ZMYM6: variants seen among roughly 807,000 people sequenced by gnomAD.
ZMYM6 encodes zinc finger MYM-type containing 6.
A neutral mutation model predicts 134.0 loss-of-function variants in ZMYM6; 90 were observed. The ratio of observed to expected loss-of-function variants is 0.67; its 90% CI spans 0.57 to 0.80. ZMYM6 has a LOEUF of 0.80. Ranked by LOEUF, ZMYM6 falls within the 30% of genes least tolerant of loss-of-function variation. The pLI is 0.00. For synonymous variants in ZMYM6, 481 were observed against 524.1 expected (o/e 0.92, Z 1.12); for missense variants, 1,362 against 1,533.9 (o/e 0.89, Z 1.87).
chr1:35,015,855 C>T (rs72909423), intron 4 of ZMYM6, among the ~76,000 whole-genome samples: 2,750 of 150,742 alleles, frequency 0.018, 82 homozygotes, highest in African/African-American at 0.063. Flanking sequence ...GTCCATCCCA[C>T]AACTCCAGAC....
chr1:34,994,725 GT>G (rs1640744643), intron 14 of ZMYM6, among the ~76,000 whole-genome samples: 1 of 151,850 alleles, frequency 6.6e-6, no homozygotes, highest in African/African-American at 2.4e-5. Context: ...AATAATTGTG[GT>G]TTTTGCAATT....
intron 11 of ZMYM6, 93 bp from the exon 12 acceptor site, chr1:35,007,191 T>C: frequency 7.6e-7 from 1 of 1,308,504 alleles, no homozygotes; most frequent in Admixed American, 2.7e-5. Flanking sequence ...GAAAACAGGA[T>C]ATATGAGTCA....
At chr1:35,005,000 G>A (rs1640941092) in intron 13 of ZMYM6, 132 bp downstream of exon 13, 2 of 1,018,022 alleles carry the variant, frequency 2.0e-6, no homozygotes, top group South Asian at 3.5e-5. Flanking sequence ...GGTGGTTGCA[G>A]TGAGTTGAGA....
intron 10 of ZMYM6, 33 bp from the exon 11 acceptor site, chr1:35,008,957 C>A: frequency 6.3e-7 from 1 of 1,591,768 alleles, no homozygotes; most frequent in South Asian, 1.1e-5. Context: ...GAAGAAAAAT[C>A]AAATTTACAT....
chr1:35,013,983 C>T (rs557533226), intron 6 of ZMYM6, among the ~76,000 whole-genome samples: 3 of 152,316 alleles, frequency 2.0e-5, no homozygotes, highest in South Asian at 2.1e-4. Context: ...AGCCACCGCG[C>T]CGGCCTTACA....
chr1:34,992,702 ATACT>A (rs990669975), intron 14 of ZMYM6, among the ~76,000 whole-genome samples: 1 of 141,010 alleles, frequency 7.1e-6, no homozygotes, highest in African/African-American at 2.8e-5. Context: ...AAATAAAAAT[ATACT>A]TATAAACTAT....
At position 34,988,127 on chromosome 1, in the gene ZMYM6, G is replaced by A; in HGVS notation, c.2955C>T (p.Ser985=). 6.4e-7 allele frequency: 1 copy of A among 1,551,474 alleles called. No individual in the cohort carries two copies. The highest frequency in any genetic ancestry group is 8.7e-7 in the Non-Finnish European group (1 of 1,146,968). The stretch of plus-strand genomic sequence containing the variant: ...TTAAACCAGAATACCTGCCAGTCAT[G>A]CTTGCAGCCCCATCGGTACAGAGAC... ...CVGLCTDGAA[S]MTGRYSGLKA... Residue 985 remains serine (S), a synonymous_variant, in exon 16 of 16, where the codon AGC becomes AGT. Transcript: ENST00000357182.
rs1640610018 is a variant in ZMYM6, at chr1:34,988,485, C to T, written c.2597G>A (p.Gly866Asp). Residue 866 changes from glycine (G) to aspartate (D), a missense_variant, in exon 16 of 16, where the codon GGT becomes GAT. Transcript: ENST00000357182. ...TTTCATTTTGTCTCCAGCACTTGAA[C>T]CCAAAACTTCTGAACACATTTCTAC... ...YLVEMCSEVL[G>D]SSAGDKMKTI... 5 of 1,550,976 alleles carry T rather than the reference C, an allele frequency of 3.2e-6. No individual in the cohort carries two copies. The Admixed American group carries it at 5.9e-5, about 18-fold the overall frequency.
chr1:35,019,689 T>G, intron 3 of ZMYM6, 87 bp from the exon 4 acceptor site: 1 of 1,429,960 alleles, frequency 7.0e-7, no homozygotes, highest in Non-Finnish European at 9.2e-7. Context: ...TTTTTTCTTT[T>G]TCTGAGACAC....
In ZMYM6 at chr1:35,007,165, T is replaced by C. The variant is rs372026265; in HGVS notation, c.1666-67A>G. ...AATAATGAAAAGATAACATTAATCA[T>C]AAAAAGAGGGACTACGAAAACAGGA... On this transcript the variant is annotated intron_variant, in intron 11 of 15. Coordinates refer to ENST00000357182, the MANE Select transcript of ZMYM6 (RefSeq NM_007167.4). 1.5e-5 allele frequency: 22 copies of C among 1,484,528 alleles called. 1 individual carries two copies. In the South Asian group the frequency reaches 2.8e-4, roughly 19 times the overall value. The allele number at this position is 1,484,528 out of a possible 1,614,324, so 92.0% of individuals were successfully genotyped here. A position where few individuals can be genotyped will look rare whatever the true frequency, so the allele number is the denominator to read the frequency against.
intron 7 of ZMYM6, 41 bp downstream of exon 7, chr1:35,012,390 A>G: frequency 7.1e-7 from 1 of 1,399,074 alleles, no homozygotes; most frequent in Non-Finnish European, 9.4e-7. Context: ...TTTTTCTTCA[A>G]TAGTTATTAA....
At chr1:35,011,072 C>T in intron 8 of ZMYM6, 36 bp from the exon 9 acceptor site, 2 of 1,579,242 alleles carry the variant, frequency 1.3e-6, no homozygotes, top group Non-Finnish European at 1.7e-6. Flanking sequence ...ATTTTATCAA[C>T]TGAGAAATAA....
At chr1:34,991,452 T>C (rs775426054) in intron 15 of ZMYM6, among the ~76,000 whole-genome samples, 27 of 152,090 alleles carry the variant, frequency 1.8e-4, no homozygotes, top group Non-Finnish European at 3.8e-4. Context: ...TATAGTGTAT[T>C]CTATGAAGTA....
In ZMYM6 at chr1:34,988,495, C is replaced by G. The variant is rs1261844542; in HGVS notation, c.2587G>C (p.Glu863Gln). 1 of 1,550,962 alleles carries G rather than the reference C, an allele frequency of 6.4e-7. No homozygotes were observed. The highest frequency in any genetic ancestry group is 1.2e-5 in the South Asian group (1 of 83,834). The change falls in exon 16 of 16, where the codon GAA (glutamate) becomes CAA (glutamine). Residue 863 changes from glutamate (E) to glutamine (Q), a missense_variant. By Grantham distance (29) the Glu-to-Gln change is conservative. This residue lies in a region of ZMYM6 where 824 missense variants were observed against 940.9 expected (regional missense o/e 0.88). Transcript: ENST00000357182. Reference sequence around the variant, plus strand: ...TCTCCAGCACTTGAACCCAAAACTTCTGAACACATTTCTACTAAATATGGT... The same window carrying G: ...TCTCCAGCACTTGAACCCAAAACTTGTGAACACATTTCTACTAAATATGGT... ...IKPYLVEMCS[E>Q]VLGSSAGDKM...
Position 35,030,691 on chromosome 1 carries a change from C to G in ZMYM6, c.-52G>C. On this transcript the variant is annotated 5_prime_UTR_variant, in exon 2 of 16. Coordinates refer to ENST00000357182, the MANE Select transcript of ZMYM6 (RefSeq NM_007167.4). Reference sequence around the variant, plus strand: ...TCAGGCTCAAACGAATAGATTTCTTCTTGGTAATGGATAGTTGGACACCTA... The same window carrying G: ...TCAGGCTCAAACGAATAGATTTCTTGTTGGTAATGGATAGTTGGACACCTA... 6.5e-7 allele frequency: 1 copy of G among 1,526,850 alleles called. No homozygotes were observed. Among genetic ancestry groups the G allele is most frequent in the Non-Finnish European group, 9.0e-7 (1 of 1,112,342 alleles). 94.6% of individuals were successfully genotyped at this position (1,526,850 alleles called of 1,614,324 possible). A position where few individuals can be genotyped will look rare whatever the true frequency, so the allele number is the denominator to read the frequency against.
At chr1:35,018,281 G>C (rs1049028577) in intron 4 of ZMYM6, 4 of 151,562 alleles carry the variant, frequency 2.6e-5, no homozygotes, top group African/African-American at 9.7e-5. Context: ...GGAGTTCAAG[G>C]CTGCAGTGAG....
Position 35,019,596 on chromosome 1 carries a change from T to G in ZMYM6, c.185A>C (p.Gln62Pro). 1.3e-6 allele frequency: 2 copies of G among 1,588,350 alleles called. No individual in the cohort carries two copies. Among genetic ancestry groups the G allele is most frequent in the Non-Finnish European group, 1.7e-6 (2 of 1,173,148 alleles). Residue 62 changes from glutamine (Q) to proline (P), a missense_variant, in exon 4 of 16, where the codon CAG (glutamine) becomes CCG (proline). By Grantham distance (76) the Gln-to-Pro change is moderately conservative. Around this residue, in one of 3 missense-constraint regions of ZMYM6, gnomAD observed 503 missense variants for 520.8 expected, o/e 0.97. Transcript: ENST00000357182. ...SSVNERPIAQ[Q>P]LNPGFQLSFA... is the part of the protein sequence containing the mutation. ...AGAAAGCTGAAAGCCTGGGTTCAAC[T>G]GCTGGGCTATCAAAACAAAATAAAA...
chr1:35,015,166 A>C lies in ZMYM6; in HGVS notation c.429-4T>G. 1 of 1,580,756 alleles carries C rather than the reference A, an allele frequency of 6.3e-7. No homozygotes were observed. Among genetic ancestry groups the C allele is most frequent in the South Asian group, 1.2e-5 (1 of 86,380 alleles). On this transcript the variant is annotated splice_region_variant and splice_polypyrimidine_tract_variant and intron_variant, in intron 4 of 15. Coordinates refer to ENST00000357182, the MANE Select transcript of ZMYM6 (RefSeq NM_007167.4). ...ATCCTTAGGATTTAAAATGTCTCTA[A>C]AAATAAATAACAAAGGTAAAAATGA... is the stretch of plus-strand genomic sequence containing the variant.
chr1:35,005,162 A>G lies in ZMYM6; in HGVS notation c.1924T>C (p.Ser642Pro). ...AAAACACTGTTAGTGTTCCCTGTAG[A>G]TAAGGTAGCAGGTATTTTTGCCAAT... Reference protein sequence around the residue: ...MSLAKIPATLSTGNTNSVLKG... With the variant: ...MSLAKIPATLPTGNTNSVLKG... The change falls in exon 13 of 16, where the codon TCT becomes CCT. Residue 642 changes from serine to proline, a missense_variant. By Grantham distance (74) the Ser-to-Pro change is moderately conservative (BLOSUM62 -1). Transcript: ENST00000357182. 1 of 1,614,182 alleles carries G rather than the reference A, an allele frequency of 6.2e-7. No homozygotes were observed. The highest frequency in any genetic ancestry group is 8.5e-7 in the Non-Finnish European group (1 of 1,180,004).
Sources: gnomAD v4.1 joint callset for allele counts (sites outside exome capture counted in the v4.1 genomes callset) on GRCh38, gnomAD v4.1.1 for gene constraint, gnomAD v4.1.1 regional missense constraint, MANE v1.5 for transcripts, NCBI Gene and HGNC (gene_info 2026-07-23, HGNC 2026-07-21) for gene names.